Variants in SLC16A7 observed in about 807,000 individuals in gnomAD.
SLC16A7 encodes solute carrier family 16 member 7.
A neutral mutation model predicts 34.9 loss-of-function variants in SLC16A7; 33 were observed. The ratio of observed to expected loss-of-function variants is 0.94; its 90% CI spans 0.72 to 1.26. SLC16A7 has a LOEUF of 1.26. Ranked by LOEUF, SLC16A7 falls within the 50% of genes most tolerant of loss-of-function variation. SLC16A7 has a pLI of 0.00. For missense variants in SLC16A7, 573 were observed against 578.1 expected, an observed-to-expected ratio of 0.99 and a Z score of 0.09; for synonymous variants, 201 against 206.6, an observed-to-expected ratio of 0.97 and a Z score of 0.23.
At chr12:59,688,408 C>T (rs764605518) in intron 2 of SLC16A7, among the ~76,000 whole-genome samples, 7 of 151,996 alleles carry the variant, frequency 4.6e-5, no homozygotes, top group Admixed American at 1.3e-4. Flanking sequence ...TAGAGTGAGA[C>T]GAATACTGCG....
chr12:59,769,498 A>G (rs888860068), intron 3 of SLC16A7, among the ~76,000 whole-genome samples: 1 of 151,882 alleles, frequency 6.6e-6, no homozygotes, highest in African/African-American at 2.4e-5. Flanking sequence ...GTTTTTATAG[A>G]GCATTCTTTC....
chr12:59,658,516 G>C (rs1416637736), intron 2 of SLC16A7, among the ~76,000 whole-genome samples: 1 of 152,010 alleles, frequency 6.6e-6, no homozygotes, highest in African/African-American at 2.4e-5. Flanking sequence ...AAAAATCACT[G>C]CTGTGAGTTA....
intron 3 of SLC16A7, among the ~76,000 whole-genome samples, chr12:59,731,734 G>GA (rs1194612250): frequency 6.6e-6 from 1 of 152,062 alleles, no homozygotes; most frequent in Non-Finnish European, 1.5e-5. Flanking sequence ...CACCAACAAG[G>GA]AAAAATGCTC....
chr12:59,753,372 A>G (rs1425897972), intron 3 of SLC16A7, among the ~76,000 whole-genome samples: 1 of 152,324 alleles, frequency 6.6e-6, no homozygotes, highest in Non-Finnish European at 1.5e-5. Context: ...TTTCATGTGC[A>G]GAGACACACA....
intron 3 of SLC16A7, among the ~76,000 whole-genome samples, chr12:59,747,236 A>T (rs1878994354): frequency 6.6e-6 from 1 of 152,224 alleles, no homozygotes. Context: ...AGGCATTAAA[A>T]ATTAAGTTAC....
intron 1 of SLC16A7, among the ~76,000 whole-genome samples, chr12:59,626,439 T>G (rs1879934374): frequency 6.6e-6 from 1 of 151,786 alleles, no homozygotes; most frequent in Non-Finnish European, 1.5e-5. Flanking sequence ...AACCAGTGCT[T>G]TCATTGATTC....
intron 2 of SLC16A7, among the ~76,000 whole-genome samples, chr12:59,671,533 T>C (rs1222051039): frequency 1.3e-5 from 2 of 151,956 alleles, no homozygotes; most frequent in Admixed American, 1.3e-4. Flanking sequence ...TTTTGAAGCA[T>C]AAATGCATTC....
At chr12:59,631,768 C>T (rs370155240) in intron 1 of SLC16A7, among the ~76,000 whole-genome samples, 72 of 152,064 alleles carry the variant, frequency 4.7e-4, no homozygotes, top group African/African-American at 1.7e-3. Flanking sequence ...TAAGTGAGAA[C>T]ATGCAGTCTT....
At chr12:59,754,097 A>G (rs904862939) in intron 3 of SLC16A7, among the ~76,000 whole-genome samples, 2 of 152,228 alleles carry the variant, frequency 1.3e-5, no homozygotes, top group South Asian at 2.1e-4. Context: ...TCTGGGACAC[A>G]TTCAAAGCAG....
chr12:59,663,551 C>A (rs775107657), intron 2 of SLC16A7, among the ~76,000 whole-genome samples: 10 of 152,032 alleles, frequency 6.6e-5, no homozygotes, highest in Non-Finnish European at 1.0e-4. Context: ...CCACGAAGCA[C>A]CTTGTTTCGT....
chr12:59,734,127 C>T (rs576860373), intron 3 of SLC16A7: 18 of 223,770 alleles, frequency 8.0e-5, no homozygotes, highest in African/African-American at 4.1e-4. Flanking sequence ...CAAGGATCCA[C>T]CCCTTTCTGC....
chr12:59,608,825 T>G (rs1340478431), intron 1 of SLC16A7, among the ~76,000 whole-genome samples: 1 of 152,206 alleles, frequency 6.6e-6, no homozygotes, highest in Non-Finnish European at 1.5e-5. Flanking sequence ...TTATCTACAT[T>G]TATTTTCAAA....
chr12:59,705,095 C>G, intron 3 of SLC16A7, 77 bp downstream of exon 3: 3 of 987,908 alleles, frequency 3.0e-6, no homozygotes, highest in South Asian at 2.7e-5. Context: ...CATGGAGTGT[C>G]TTGGTATATT....
At chr12:59,613,220 G>A (rs1010689051) in intron 1 of SLC16A7, among the ~76,000 whole-genome samples, 1 of 152,232 alleles carries the variant, frequency 6.6e-6, no homozygotes, top group African/African-American at 2.4e-5. Flanking sequence ...AAAGAGAAGT[G>A]CTGAGCAAAA....
At chr12:59,757,088 A>C (rs1260016950) in intron 3 of SLC16A7, among the ~76,000 whole-genome samples, 2 of 124,792 alleles carry the variant, frequency 1.6e-5, no homozygotes, top group Non-Finnish European at 3.2e-5. Flanking sequence ...GGGGAACATC[A>C]CACTCTGGGG....
rs779181834 is a variant in SLC16A7 at position 59,779,479 on chromosome 12, A to G, written c.1237A>G (p.Ile413Val). 1.7e-5 allele frequency: 28 copies of G among 1,611,716 alleles called. No homozygotes were observed. Among genetic ancestry groups the G allele is most frequent in the Non-Finnish European group, 2.4e-5 (28 of 1,178,226 alleles). Residue 413 changes from isoleucine (I) to valine (V), a missense_variant, in exon 6 of 6, where the codon ATT (isoleucine) becomes GTT (valine). Transcript: ENST00000547379. ...ATACATGTACATGTCCTGTGGGGCT[A>G]TTGTGGTAGCAGCAAGCGTGTGGCT... Reference protein sequence around the residue: ...YKYMYMSCGAIVVAASVWLLI... With the variant: ...YKYMYMSCGAVVVAASVWLLI...
intron 1 of SLC16A7, among the ~76,000 whole-genome samples, chr12:59,597,579 C>T (rs1878481980): frequency 6.6e-6 from 1 of 152,160 alleles, no homozygotes; most frequent in South Asian, 2.1e-4. Context: ...ACTAAGTATG[C>T]ATTTGGTGGA....
At chr12:59,667,765 G>C (rs1017668533) in intron 2 of SLC16A7, among the ~76,000 whole-genome samples, 1 of 152,192 alleles carries the variant, frequency 6.6e-6, no homozygotes, top group African/African-American at 2.4e-5. Context: ...ACGTCTCCAG[G>C]GTATATCAGA....
At chr12:59,649,509 G>A (rs1868304921) in intron 1 of SLC16A7, among the ~76,000 whole-genome samples, 1 of 152,110 alleles carries the variant, frequency 6.6e-6, no homozygotes, top group East Asian at 1.9e-4. Context: ...ATTATTATTT[G>A]AGCTAAGTGA....
Sources: gnomAD v4.1 joint callset for allele counts (sites outside exome capture counted in the v4.1 genomes callset) on GRCh38, gnomAD v4.1.1 for gene constraint, MANE v1.5 for transcripts, NCBI Gene and HGNC (gene_info 2026-07-23, HGNC 2026-07-21) for gene names.